The following TEX46 variants were observed in gnomAD, a reference collection of about 807,000 sequenced individuals.
TEX46 encodes testis-expressed protein 46.
In TEX46, 6 loss-of-function variants were observed where a neutral mutation model predicts 5.3. That is an observed-to-expected ratio of 1.13 (90% CI 0.62 to 2.23). TEX46 has a LOEUF of 2.23. TEX46 is among the 30% of genes most tolerant of loss of function. The pLI is 0.00. For synonymous variants in TEX46, 41 were observed against 54.6 expected (o/e 0.75, Z 1.10); for missense variants, 131 against 150.9 (o/e 0.87, Z 0.69).
chr1:23,011,691 C>T (rs953459029), intron 2 of TEX46, among the ~76,000 whole-genome samples: 4 of 152,218 alleles, frequency 2.6e-5, no homozygotes, highest in African/African-American at 4.8e-5. Context: ...TCCCAAGGTG[C>T]TGGGATTACA....
intron 2 of TEX46, among the ~76,000 whole-genome samples, chr1:23,012,810 G>T (rs1641371531): frequency 6.6e-6 from 1 of 151,504 alleles, no homozygotes; most frequent in African/African-American, 2.4e-5. Flanking sequence ...GAGGCATCCT[G>T]CCTTAAAATA....
chr1:23,012,717 G>T (rs1041784521), intron 2 of TEX46, among the ~76,000 whole-genome samples: 7 of 152,174 alleles, frequency 4.6e-5, no homozygotes, highest in Admixed American at 3.9e-4. Flanking sequence ...CGGGGTGGCC[G>T]CTAAGCTAAC....
chr1:23,013,781 C>G, intron 2 of TEX46, 102 bp downstream of exon 2: 1 of 1,084,264 alleles, frequency 9.2e-7, no homozygotes, highest in South Asian at 1.5e-5. Flanking sequence ...ATTCCCCAGT[C>G]TTGCCCCATT....
intron 1 of TEX46, among the ~76,000 whole-genome samples, chr1:23,015,358 C>G (rs1641404631): frequency 7.3e-6 from 1 of 137,420 alleles, no homozygotes; most frequent in African/African-American, 2.8e-5. Context: ...ATTGCTGGAA[C>G]CCAGGAGGCA....
At position 23,011,058 on chromosome 1, in the gene TEX46, T is replaced by C. The variant is rs1557467059; in HGVS notation, c.209A>G (p.Lys70Arg). The C allele has an allele frequency of 2.0e-6, 3 of 1,536,002 alleles. No homozygotes were observed. The highest frequency in any genetic ancestry group is 2.6e-6 in the Non-Finnish European group (3 of 1,146,804). ...GATGAACATCTGATTTTCTAGGACC[T>C]TCATCTTCATTTCACTGAACAACAG... ...QRLLFSEMKM[K>R]VLENQMFIIW... Residue 70 changes from lysine to arginine, a missense_variant, in exon 3 of 3, where the codon AAG (lysine) becomes AGG (arginine). By Grantham distance (26) the Lys-to-Arg change is conservative. Transcript: ENST00000566855.
At chr1:23,012,294 T>C (rs1285714515) in intron 2 of TEX46, among the ~76,000 whole-genome samples, 4 of 151,330 alleles carry the variant, frequency 2.6e-5, no homozygotes, top group Non-Finnish European at 5.9e-5. Context: ...CAGTGAGCCA[T>C]GGTTGTGCCA....
rs1641348043 is a variant in TEX46, at chr1:23,011,181, G to C, written c.166-80C>G. ...GCTGTTCTTGGAGTCGTTTTCAGAA[G>C]TCTTTGGTTTCTCTTCCTCCTTTTA... On this transcript the variant is annotated intron_variant, in intron 2 of 2. Coordinates refer to ENST00000566855, the MANE Select transcript of TEX46 (RefSeq NM_001242521.2). 14 of 1,145,374 alleles carry C rather than the reference G, an allele frequency of 1.2e-5. No individual in the cohort carries two copies. In the East Asian group the frequency reaches 3.6e-4, roughly 30 times the overall value. 71.0% of individuals were successfully genotyped at this position (1,145,374 alleles called of 1,614,324 possible).
intron 1 of TEX46, among the ~76,000 whole-genome samples, chr1:23,014,439 A>C (rs1164966922): frequency 6.6e-6 from 1 of 152,228 alleles, no homozygotes; most frequent in African/African-American, 2.4e-5. Context: ...CAGTTATACT[A>C]GCCCATCTAT....
chr1:23,012,003 CTT>C (rs1641357191), intron 2 of TEX46, among the ~76,000 whole-genome samples: 1 of 152,018 alleles, frequency 6.6e-6, no homozygotes, highest in African/African-American at 2.4e-5. Context: ...GTTAATAACA[CTT>C]ATTTTTTTTT....
At position 23,011,069 on chromosome 1, in the gene TEX46, T is replaced by C; in HGVS notation, c.198A>G (p.Glu66=). ...DEILQRLLFS[E]MKMKVLENQM... is the part of the protein sequence containing the mutation. ...GATTTTCTAGGACCTTCATCTTCAT[T>C]TCACTGAACAACAGCCGTTGGAGGA... The change falls in exon 3 of 3, where the codon GAA becomes GAG. Residue 66 remains glutamate, a synonymous_variant. Transcript: ENST00000566855. The C allele has an allele frequency of 6.5e-7, 1 of 1,536,050 alleles. No homozygotes were observed. The highest frequency in any genetic ancestry group is 1.4e-5 in the African/African-American group (1 of 73,152).
intron 2 of TEX46, 146 bp from the exon 3 acceptor site, chr1:23,011,247 T>C (rs1326983571): frequency 3.2e-6 from 2 of 619,004 alleles, no homozygotes; most frequent in African/African-American, 1.8e-5. Flanking sequence ...TGGTTAATAA[T>C]GATAATCCCT....
At chr1:23,014,830 T>G (rs2124292484) in intron 1 of TEX46, among the ~76,000 whole-genome samples, 1 of 151,978 alleles carries the variant, frequency 6.6e-6, no homozygotes, top group African/African-American at 2.4e-5. Context: ...TAACTTTTAT[T>G]ATTTTATTTT....
At chr1:23,011,766 G>A (rs1641354066) in intron 2 of TEX46, among the ~76,000 whole-genome samples, 2 of 152,046 alleles carry the variant, frequency 1.3e-5, no homozygotes, top group South Asian at 2.1e-4. Context: ...TCAAATTCCC[G>A]AGTCCTCCAC....
chr1:23,015,436 CAAAAAAAAAAAAAAAA>C (rs61258225), intron 1 of TEX46, among the ~76,000 whole-genome samples: 4 of 27,766 alleles, frequency 1.4e-4, no homozygotes, highest in Non-Finnish European at 1.7e-4. Context: ...GACTCCTTCT[CAAAAAAAAAAAAAAAA>C]AAAAAAAAAA....
intron 1 of TEX46, among the ~76,000 whole-genome samples, chr1:23,015,152 G>A (rs1215511499): frequency 6.7e-6 from 1 of 149,254 alleles, no homozygotes; most frequent in African/African-American, 2.5e-5. Flanking sequence ...GAAGACATCA[G>A]CTTTTAAAAA....
chr1:23,011,836 A>C (rs929919182), intron 2 of TEX46, among the ~76,000 whole-genome samples: 10 of 152,214 alleles, frequency 6.6e-5, no homozygotes, highest in African/African-American at 2.4e-4. Context: ...CACAGTGGAC[A>C]TAAAGCCCTT....
chr1:23,014,458 T>G (rs1318881203), intron 1 of TEX46, among the ~76,000 whole-genome samples: 1 of 152,198 alleles, frequency 6.6e-6, no homozygotes, highest in Non-Finnish European at 1.5e-5. Context: ...ATTGGTCACC[T>G]GATACTTTAG....
At chr1:23,014,681 G>C (rs1641396507) in intron 1 of TEX46, among the ~76,000 whole-genome samples, 1 of 151,564 alleles carries the variant, frequency 6.6e-6, no homozygotes, top group African/African-American at 2.4e-5. Flanking sequence ...AGCCTCCTGA[G>C]TAGCTAAGAC....
chr1:23,013,478 TG>T (rs1371716247), intron 2 of TEX46, among the ~76,000 whole-genome samples: 2 of 152,256 alleles, frequency 1.3e-5, no homozygotes, highest in African/African-American at 4.8e-5. Flanking sequence ...CAGCCTAGCA[TG>T]TTTTTTAACA....
Sources: gnomAD v4.1 joint callset for allele counts (sites outside exome capture counted in the v4.1 genomes callset) on GRCh38, gnomAD v4.1.1 for gene constraint, MANE v1.5 for transcripts, NCBI Gene and HGNC (gene_info 2026-07-23, HGNC 2026-07-21) for gene names.